Variants in PLCB4 observed in about 807,000 individuals in gnomAD.
The protein encoded by PLCB4 is phospholipase C beta 4.
Under a neutral mutation model 178.8 loss-of-function variants are expected in PLCB4, and 77 were observed. That is an observed-to-expected ratio of 0.43 (90% CI 0.36 to 0.52). The LOEUF (loss-of-function observed/expected upper bound fraction) is 0.52. PLCB4 is among the 20% of genes least tolerant of loss of function. The probability of loss-of-function intolerance (pLI) is 0.00; values close to 1 mark genes in which losing one functional copy is unlikely to be tolerated. For synonymous variants in PLCB4, 496 were observed against 490.8 expected, an observed-to-expected ratio of 1.01 and a Z score of -0.14; for missense variants, 1,024 against 1,453.4, an observed-to-expected ratio of 0.70 and a Z score of 4.80.
intron 3 of PLCB4, among the ~76,000 whole-genome samples, chr20:9,232,289 T>A (rs1445178849): frequency 6.6e-6 from 1 of 152,142 alleles, no homozygotes; most frequent in Non-Finnish European, 1.5e-5. Flanking sequence ...TTAATAAGTT[T>A]GGCAATTTGG....
At chr20:9,401,417 C>G in intron 19 of PLCB4, 73 bp from the exon 20 acceptor site, 1 of 992,524 alleles carries the variant, frequency 1.0e-6, no homozygotes, top group Non-Finnish European at 1.6e-6. Flanking sequence ...ATGTTCTACC[C>G]AAGATTGTGA....
intron 3 of PLCB4, among the ~76,000 whole-genome samples, chr20:9,280,958 A>AC (rs1320025684): frequency 2.0e-5 from 3 of 152,024 alleles, no homozygotes; most frequent in African/African-American, 7.2e-5. Context: ...ACAAAAAAAA[A>AC]AAAAAAGAGG....
chr20:9,444,412 T>C (rs910740924), intron 32 of PLCB4, among the ~76,000 whole-genome samples, 169 bp downstream of exon 32: 6 of 152,216 alleles, frequency 3.9e-5, no homozygotes, highest in Admixed American at 6.5e-5. Context: ...GTCACTTGTT[T>C]GTAGTCTGCA....
In PLCB4 at chr20:9,380,097, A is replaced by G; in HGVS notation, c.788A>G (p.Tyr263Cys). Residue 263 changes from tyrosine to cysteine, a missense_variant, in exon 13 of 40, where the codon TAT (tyrosine) becomes TGT (cysteine). Physicochemically the swap from Tyr to Cys is radical, Grantham distance 194. Around this residue, in one of 7 missense-constraint regions of PLCB4, gnomAD observed 37 missense variants for 28.6 expected, o/e 1.30. Transcript: ENST00000378473. ...TTGAATGAAATTTTATTTCCATTTT[A>G]TGATGCCAAAAGGGCAATGCAGATC... ...PRLNEILFPFYDAKRAMQIIE... is the reference protein window; with the variant it reads ...PRLNEILFPFCDAKRAMQIIE... The G allele has an allele frequency of 6.2e-7, 1 of 1,600,214 alleles. No individual in the cohort carries two copies. Among genetic ancestry groups the G allele is most frequent in the African/African-American group, 1.3e-5 (1 of 74,614 alleles).
intron 30 of PLCB4, among the ~76,000 whole-genome samples, chr20:9,440,030 T>C (rs1224124599): frequency 6.6e-6 from 1 of 152,248 alleles, no homozygotes; most frequent in African/African-American, 2.4e-5. Context: ...TAAAGTGTCA[T>C]TGGCTGGGAC....
intron 4 of PLCB4, among the ~76,000 whole-genome samples, chr20:9,320,856 G>A (rs2094951812): frequency 6.6e-6 from 1 of 152,094 alleles, no homozygotes; most frequent in Non-Finnish European, 1.5e-5. Context: ...CCCCACCCCA[G>A]ACCTACAGAA....
At chr20:9,073,842 C>A (rs946577454) in intron 1 of PLCB4, among the ~76,000 whole-genome samples, 1 of 151,888 alleles carries the variant, frequency 6.6e-6, no homozygotes, top group Non-Finnish European at 1.5e-5. Context: ...AAGCTGAGAT[C>A]GCATCAGTGC....
chr20:9,141,784 T>TTAATTAAA (rs1463214980), intron 2 of PLCB4, among the ~76,000 whole-genome samples: 1 of 151,570 alleles, frequency 6.6e-6, no homozygotes, highest in Non-Finnish European at 1.5e-5. Flanking sequence ...GGGGATGGAG[T>TTAATTAAA]AGTCAGGAGT....
intron 1 of PLCB4, among the ~76,000 whole-genome samples, chr20:9,076,135 G>C (rs1162146407): frequency 6.6e-6 from 1 of 152,004 alleles, no homozygotes; most frequent in Non-Finnish European, 1.5e-5. Context: ...GGGGGGAAGG[G>C]CATGTTTTTT....
chr20:9,296,984 T>A (rs2094643964), intron 3 of PLCB4, among the ~76,000 whole-genome samples: 1 of 152,094 alleles, frequency 6.6e-6, no homozygotes, highest in South Asian at 2.1e-4. Context: ...GTTGTGCACA[T>A]GTACCCTAAA....
At chr20:9,207,059 T>C (rs2093623030) in intron 2 of PLCB4, among the ~76,000 whole-genome samples, 1 of 152,098 alleles carries the variant, frequency 6.6e-6, no homozygotes, top group African/African-American at 2.4e-5. Flanking sequence ...GAGTTTGCAG[T>C]GAGCCGAGAT....
chr20:9,464,907 A>AG (rs1181234916), intron 35 of PLCB4, among the ~76,000 whole-genome samples: 2 of 152,222 alleles, frequency 1.3e-5, no homozygotes, highest in Admixed American at 6.5e-5. Context: ...ACAGAAAAAG[A>AG]GGGAATCCTC....
chr20:9,444,266 T>C (rs749618778), intron 32 of PLCB4, 23 bp downstream of exon 32: 6 of 1,426,020 alleles, frequency 4.2e-6, no homozygotes, highest in Non-Finnish European at 5.9e-6. Flanking sequence ...ACAGCTACTA[T>C]TTTGTGTTAT....
chr20:9,302,881 A>G (rs908061822), intron 3 of PLCB4, among the ~76,000 whole-genome samples: 2 of 151,768 alleles, frequency 1.3e-5, no homozygotes, highest in Admixed American at 1.3e-4. Context: ...TATTTTTGAT[A>G]TAAACTTTTT....
chr20:9,230,775 T>C lies in PLCB4; in HGVS notation c.-16+13323T>C, dbSNP rs1444718049. On this transcript the variant is annotated intron_variant, in intron 3 of 39. Coordinates refer to ENST00000378473, the MANE Select transcript of PLCB4 (RefSeq NM_001377142.1). ...TGTCTCTTGCTTTCCTGCAGAGTAGTTTGGGCTTGTTCACATGACAGCAGC... is the reference window on the plus strand; with the variant it reads ...TGTCTCTTGCTTTCCTGCAGAGTAGCTTGGGCTTGTTCACATGACAGCAGC... Among the ~76,000 whole-genome samples the C allele has an allele frequency of 5.3e-5, 8 of 152,056 alleles. No individual in the cohort carries two copies. In the East Asian group the frequency reaches 1.5e-3, roughly 29 times the overall value.
At chr20:9,450,577 T>A (rs1198745679) in intron 32 of PLCB4, among the ~76,000 whole-genome samples, 2 of 152,152 alleles carry the variant, frequency 1.3e-5, no homozygotes, top group Non-Finnish European at 2.9e-5. Flanking sequence ...TTGCATATGT[T>A]TAGTAACCTT....
chr20:9,338,846 C>G, intron 6 of PLCB4, 48 bp from the exon 7 acceptor site: 2 of 1,481,758 alleles, frequency 1.3e-6, no homozygotes, highest in South Asian at 1.2e-5. Context: ...TTCCTCCATG[C>G]TCTGTGATGT....
At chr20:9,362,563 A>G (rs1297141121) in intron 7 of PLCB4, among the ~76,000 whole-genome samples, 1 of 152,242 alleles carries the variant, frequency 6.6e-6, no homozygotes, top group Non-Finnish European at 1.5e-5. Flanking sequence ...GTTGGAAATA[A>G]TTAAGATTGC....
chr20:9,151,374 C>T lies in PLCB4; in HGVS notation c.-79+55032C>T, dbSNP rs545697099. Among the ~76,000 whole-genome samples, 6 of 152,140 alleles carry T rather than the reference C, an allele frequency of 3.9e-5. No homozygotes were observed. In the South Asian group the frequency reaches 1.2e-3, roughly 32 times the overall value. On this transcript the variant is annotated intron_variant, in intron 2 of 39. Coordinates refer to ENST00000378473, the MANE Select transcript of PLCB4 (RefSeq NM_001377142.1). ...ATGGCTGATATGGTTTGGCTATGTC[C>T]CCATCCAAATCTCAACTAAATTTTA...
Sources: gnomAD v4.1 joint callset for allele counts (sites outside exome capture counted in the v4.1 genomes callset) on GRCh38, gnomAD v4.1.1 for gene constraint, gnomAD v4.1.1 regional missense constraint, MANE v1.5 for transcripts, NCBI Gene and HGNC (gene_info 2026-07-23, HGNC 2026-07-21) for gene names.